The following PHACTR1 variants were observed in gnomAD, a reference collection of about 807,000 sequenced individuals.
The protein encoded by PHACTR1 is RPEL repeat containing 1.
A neutral mutation model predicts 69.2 loss-of-function variants in PHACTR1; 16 were observed. That is an observed-to-expected ratio of 0.23 (90% CI 0.16 to 0.35). PHACTR1 has a LOEUF of 0.35. PHACTR1 is among the 10% of genes least tolerant of loss of function. PHACTR1 has a pLI of 1.00. For missense variants in PHACTR1, 510 were observed against 734.7 expected, an observed-to-expected ratio of 0.69 and a Z score of 3.54; for synonymous variants, 312 against 284.5, an observed-to-expected ratio of 1.10 and a Z score of -0.97.
Position 12,749,767 on chromosome 6 carries a change from G to A in PHACTR1, c.227G>A (p.Arg76Lys). 6.2e-7 allele frequency: 1 copy of A among 1,610,072 alleles called. No homozygotes were observed. The highest frequency in any genetic ancestry group is 8.5e-7 in the Non-Finnish European group (1 of 1,179,104). ...KSDTPYLAEA[R>K]ISFNLGAAEE... ...GACACGCCGTACCTCGCAGAGGCCAGGATCTCCTTTAACCTGGGGGCAGGT... is the reference window on the plus strand; with the variant it reads ...GACACGCCGTACCTCGCAGAGGCCAAGATCTCCTTTAACCTGGGGGCAGGT... Residue 76 changes from arginine (R) to lysine (K), a missense_variant, in exon 4 of 15, where the codon AGG becomes AAG. Transcript: ENST00000332995.
chr6:12,827,546 A>C (rs1242990539), intron 4 of PHACTR1, among the ~76,000 whole-genome samples: 1 of 152,228 alleles, frequency 6.6e-6, no homozygotes, highest in Non-Finnish European at 1.5e-5. Context: ...ATTTGAAATG[A>C]CCACCACATC....
At chr6:13,282,054 C>T (rs1780392506) in intron 12 of PHACTR1, among the ~76,000 whole-genome samples, 1 of 152,202 alleles carries the variant, frequency 6.6e-6, no homozygotes, top group Non-Finnish European at 1.5e-5. Flanking sequence ...GCTCTGCCAG[C>T]GTGGGAGCAA....
intron 5 of PHACTR1, among the ~76,000 whole-genome samples, chr6:13,143,041 A>C (rs752251429): frequency 3.3e-5 from 5 of 152,208 alleles, no homozygotes; most frequent in Admixed American, 6.5e-5. Context: ...GACACACTTC[A>C]CATGTTCTCA....
intron 4 of PHACTR1, among the ~76,000 whole-genome samples, chr6:12,768,271 T>C (rs1319619262): frequency 6.6e-6 from 1 of 152,062 alleles, no homozygotes; most frequent in Non-Finnish European, 1.5e-5. Context: ...CCCGCCACCA[T>C]GCCCGGCTAA....
chr6:13,217,760 A>G (rs1431610011), intron 8 of PHACTR1, among the ~76,000 whole-genome samples: 4 of 152,242 alleles, frequency 2.6e-5, no homozygotes, highest in Non-Finnish European at 5.9e-5. Flanking sequence ...TAGAAGGCTA[A>G]TCCTAGGCCA....
intron 5 of PHACTR1, among the ~76,000 whole-genome samples, chr6:13,097,897 C>T (rs1390754215): frequency 2.0e-5 from 3 of 152,142 alleles, no homozygotes; most frequent in African/African-American, 7.2e-5. Flanking sequence ...AACTTCCCAC[C>T]GTCTAATCTA....
chr6:12,872,508 TATG>T (rs1782136019), intron 4 of PHACTR1, among the ~76,000 whole-genome samples: 1 of 152,300 alleles, frequency 6.6e-6, no homozygotes, highest in African/African-American at 2.4e-5. Context: ...TCTTTGATTT[TATG>T]TACATATGTA....
At chr6:12,741,320 A>G (rs949203724) in intron 3 of PHACTR1, among the ~76,000 whole-genome samples, 2 of 151,986 alleles carry the variant, frequency 1.3e-5, no homozygotes, top group Non-Finnish European at 2.9e-5. Context: ...ATATTCTTTT[A>G]TGAAAAATTT....
intron 4 of PHACTR1, 93 bp from the exon 5 acceptor site, chr6:13,053,272 C>T (rs1806240284): frequency 7.7e-7 from 1 of 1,291,636 alleles, no homozygotes; most frequent in African/African-American, 1.5e-5. Context: ...TTTCTGTTAT[C>T]TGTAACCATG....
At chr6:13,143,025 C>T (rs1822748121) in intron 5 of PHACTR1, among the ~76,000 whole-genome samples, 2 of 152,130 alleles carry the variant, frequency 1.3e-5, no homozygotes, top group Non-Finnish European at 2.9e-5. Context: ...GTGCCCAGCA[C>T]AGAAAGACAC....
At chr6:12,974,416 A>G (rs1794619328) in intron 4 of PHACTR1, among the ~76,000 whole-genome samples, 1 of 152,192 alleles carries the variant, frequency 6.6e-6, no homozygotes. Context: ...AAATCTCATG[A>G]CAGGCTTCTG....
At position 13,155,248 on chromosome 6, in the gene PHACTR1, C is replaced by T. The variant is rs547092353; in HGVS notation, c.416-4956C>T. 7.9e-5 allele frequency among the ~76,000 whole-genome samples: 12 copies of T among 152,282 alleles called. No homozygotes were observed. The South Asian group carries it at 1.2e-3, about 16-fold the overall frequency. On this transcript the variant is annotated intron_variant, in intron 5 of 14. Transcript: ENST00000332995. ...AAACAACCTTAATGTTACCATGCTT[C>T]GGTTGTCCTACACTTTCTTTTCAAT...
chr6:13,189,481 C>T (rs1410612257), intron 7 of PHACTR1, among the ~76,000 whole-genome samples: 2 of 152,090 alleles, frequency 1.3e-5, no homozygotes, highest in Non-Finnish European at 2.9e-5. Context: ...TCACTGCAGC[C>T]TCCACCTCCC....
At chr6:12,775,203 A>T (rs1354444311) in intron 4 of PHACTR1, among the ~76,000 whole-genome samples, 1 of 152,200 alleles carries the variant, frequency 6.6e-6, no homozygotes, top group Non-Finnish European at 1.5e-5. Flanking sequence ...CATTTTATTC[A>T]GTTTTTCAAG....
intron 5 of PHACTR1, among the ~76,000 whole-genome samples, chr6:13,138,773 T>A (rs1453126097): frequency 6.6e-6 from 1 of 152,216 alleles, no homozygotes; most frequent in African/African-American, 2.4e-5. Context: ...CTTCCAGTGG[T>A]GACCTTGGAG....
chr6:12,928,818 G>A (rs1470254669), intron 4 of PHACTR1, among the ~76,000 whole-genome samples: 1 of 152,172 alleles, frequency 6.6e-6, no homozygotes, highest in Non-Finnish European at 1.5e-5. Context: ...ACAAAGACAG[G>A]CAAAGGTGCT....
rs80271267 is a variant in PHACTR1, at chr6:13,152,354, A to G, written c.416-7850A>G. ...GTCTCAAAAAAAAAAAAATTCATCAATGTCAAAGAGGCATAGGATTCCCTG... is the reference window on the plus strand; with the variant it reads ...GTCTCAAAAAAAAAAAAATTCATCAGTGTCAAAGAGGCATAGGATTCCCTG... On this transcript the variant is annotated intron_variant, in intron 5 of 14. Coordinates refer to ENST00000332995, the MANE Select transcript of PHACTR1 (RefSeq NM_030948.6). Among the ~76,000 whole-genome samples, 251 of 152,230 alleles carry G rather than the reference A, an allele frequency of 1.6e-3. 3 individuals are homozygous for G. The highest frequency in any genetic ancestry group is 5.4e-3 in the African/African-American group (224 of 41,538).
intron 4 of PHACTR1, among the ~76,000 whole-genome samples, chr6:12,906,091 G>T (rs541770190): frequency 9.1e-4 from 138 of 152,324 alleles, no homozygotes; most frequent in Middle Eastern, 3.4e-3. Context: ...GAGATAGTCA[G>T]ATTCATGGAA....
intron 10 of PHACTR1, among the ~76,000 whole-genome samples, chr6:13,253,682 CTTTAGA>C (rs1314818439): frequency 1.1e-4 from 17 of 152,338 alleles, no homozygotes; most frequent in Admixed American, 6.5e-4. Flanking sequence ...AAAAGACCTG[CTTTAGA>C]CTCAGCAGAG....
Sources: gnomAD v4.1 joint callset for allele counts (sites outside exome capture counted in the v4.1 genomes callset) on GRCh38, gnomAD v4.1.1 for gene constraint, MANE v1.5 for transcripts, NCBI Gene and HGNC (gene_info 2026-07-23, HGNC 2026-07-21) for gene names.